ZNF423: variants seen among roughly 807,000 people sequenced by gnomAD.
The protein encoded by ZNF423 is Ebf-associated zinc finger protein.
Under a neutral mutation model 95.8 loss-of-function variants are expected in ZNF423, and 12 were observed. That is an observed-to-expected ratio of 0.13 (90% CI 0.08 to 0.20). The LOEUF is 0.20. Ranked by LOEUF, ZNF423 falls within the 10% of genes least tolerant of loss-of-function variation. The pLI, the probability that ZNF423 is intolerant of heterozygous loss-of-function variation, is 1.00. For missense variants in ZNF423, 1,316 were observed against 1,737.1 expected, an observed-to-expected ratio of 0.76 and a Z score of 4.31; for synonymous variants, 749 against 711.9, an observed-to-expected ratio of 1.05 and a Z score of -0.83.
At chr16:49,620,676 G>A (rs898241828) in intron 5 of ZNF423, among the ~76,000 whole-genome samples, 4 of 152,210 alleles carry the variant, frequency 2.6e-5, no homozygotes, top group Admixed American at 2.0e-4. Context: ...GGGCCCGTGA[G>A]GCCCTGCGTG....
chr16:49,606,602 G>C (rs999405973), intron 5 of ZNF423, among the ~76,000 whole-genome samples: 2 of 152,120 alleles, frequency 1.3e-5, no homozygotes, highest in Admixed American at 6.5e-5. Context: ...GTGGATAGGG[G>C]TCTCAGGGCA....
At chr16:49,644,658 CAAAAAAAAAAAAAAAAAAAAAA>C (rs56066766) in intron 3 of ZNF423, among the ~76,000 whole-genome samples, 43 of 39,580 alleles carry the variant, frequency 1.1e-3, no homozygotes, top group South Asian at 7.2e-3. Context: ...AACTCTGACT[CAAAAAAAAAAAAAAAAAAAAAA>C]AAAAAAAAAA....
At chr16:49,853,907 C>T in intron 1 of ZNF423, 1 of 985,406 alleles carries the variant, frequency 1.0e-6, no homozygotes, top group Non-Finnish European at 1.2e-6. Flanking sequence ...AACTCAAAAT[C>T]AACTGCCTGA....
intron 4 of ZNF423, among the ~76,000 whole-genome samples, chr16:49,631,369 G>A (rs1194192297): frequency 6.6e-6 from 1 of 151,786 alleles, no homozygotes; most frequent in East Asian, 1.9e-4. Flanking sequence ...AGCATGGCTG[G>A]ACTCCAGTCC....
upstream of ZNF423, among the ~76,000 whole-genome samples, chr16:49,858,165 G>T (rs1232980600): frequency 1.3e-5 from 2 of 151,922 alleles, no homozygotes; most frequent in Non-Finnish European, 2.9e-5. This position sits in a 1 kb window ranked among gnomAD's most constrained non-coding sequence, Gnocchi z 4.3. Flanking sequence ...ACGTCCCCTC[G>T]GAGACGAGTT....
In ZNF423 at chr16:49,636,509, C is replaced by T. The variant is rs756580782; in HGVS notation, c.2667G>A (p.Ala889=). ...TGTCACAGCCGTACATGGGCTCCGA[C>T]GCGTCCACGTCATCCTCGCTGGCCT... The part of the protein sequence containing the change: ...SHEASEDDVD[A]SEPMYGCDIC... Residue 889 remains alanine (A), a synonymous_variant, in exon 4 of 8, where the codon GCG becomes GCA. Coordinates refer to ENST00000563137, the MANE Select transcript of ZNF423 (RefSeq NM_001379286.1). This position sits in a 1 kb window ranked among gnomAD's most constrained non-coding sequence, Gnocchi z 8.6. The T allele has an allele frequency of 1.7e-5, 28 of 1,613,674 alleles. No homozygotes were observed. The highest frequency in any genetic ancestry group is 4.4e-5 in the South Asian group (4 of 91,080).
At chr16:49,708,668 G>A (rs1596894355) in intron 3 of ZNF423, among the ~76,000 whole-genome samples, 1 of 152,130 alleles carries the variant, frequency 6.6e-6, no homozygotes, top group South Asian at 2.1e-4. Context: ...CATGCCACAG[G>A]GACCCAACAC....
chr16:49,665,678 C>A (rs2030505004), intron 3 of ZNF423, among the ~76,000 whole-genome samples: 1 of 152,260 alleles, frequency 6.6e-6, no homozygotes, highest in East Asian at 1.9e-4. Flanking sequence ...CACCGCCCCC[C>A]ACCCCAGCTC....
At chr16:49,700,961 G>A (rs2032161135) in intron 3 of ZNF423, among the ~76,000 whole-genome samples, 1 of 152,152 alleles carries the variant, frequency 6.6e-6, no homozygotes, top group South Asian at 2.1e-4. Context: ...GAAGGGAGGA[G>A]GGTCTTATCA....
At chr16:49,734,715 C>T (rs930847479) in intron 2 of ZNF423, among the ~76,000 whole-genome samples, 2 of 152,184 alleles carry the variant, frequency 1.3e-5, no homozygotes, top group African/African-American at 2.4e-5. Flanking sequence ...CTGTGAACGC[C>T]GACCTGTCCG....
At chr16:49,625,770 G>A (rs11866964) in intron 5 of ZNF423, among the ~76,000 whole-genome samples, 29,673 of 152,194 alleles carry the variant, frequency 0.19, 3,365 homozygotes, top group African/African-American at 0.31. Flanking sequence ...CTTTGTAAGC[G>A]TTCTGTTTTG....
intron 5 of ZNF423, among the ~76,000 whole-genome samples, chr16:49,588,789 A>C (rs1394456532): frequency 6.6e-6 from 1 of 152,250 alleles, no homozygotes; most frequent in Admixed American, 6.5e-5. Flanking sequence ...TTGATAGGAA[A>C]ATAGTGGGAA....
intron 3 of ZNF423, among the ~76,000 whole-genome samples, chr16:49,709,790 C>CATCTATGAGG (rs1359230682): frequency 6.6e-6 from 1 of 152,156 alleles, no homozygotes; most frequent in Admixed American, 6.5e-5. Context: ...TAGAAGTCTC[C>CATCTATGAGG]ATCTATGAGG....
intron 2 of ZNF423, among the ~76,000 whole-genome samples, chr16:49,754,839 G>A (rs2033696289): frequency 6.6e-6 from 1 of 152,224 alleles, no homozygotes; most frequent in Admixed American, 6.5e-5. Flanking sequence ...CAGAGTGCCA[G>A]GCAGAATGGA....
upstream of ZNF423, among the ~76,000 whole-genome samples, chr16:49,858,321 T>A (rs2035393872): frequency 6.7e-6 from 1 of 150,256 alleles, no homozygotes; most frequent in Admixed American, 6.6e-5. The surrounding 1 kb of genome is among the most constrained non-coding windows in gnomAD (Gnocchi z 4.3). Context: ...CCCGCTCAGC[T>A]CTCTCCGCGG....
chr16:49,738,411 G>T (rs1028253211), intron 2 of ZNF423, among the ~76,000 whole-genome samples: 4 of 152,080 alleles, frequency 2.6e-5, no homozygotes, highest in African/African-American at 9.7e-5. Flanking sequence ...AACCATGAGT[G>T]ACCTTGACCA....
At chr16:49,817,950 C>T (rs989775092) in intron 1 of ZNF423, among the ~76,000 whole-genome samples, 3 of 152,114 alleles carry the variant, frequency 2.0e-5, no homozygotes, top group African/African-American at 4.8e-5. Context: ...TCCATCTCTT[C>T]GCTCCAACAT....
chr16:49,655,456 G>A (rs1358418216), intron 3 of ZNF423, among the ~76,000 whole-genome samples: 1 of 152,168 alleles, frequency 6.6e-6, no homozygotes, highest in Non-Finnish European at 1.5e-5. Flanking sequence ...TGACCCCAAC[G>A]ACCCAGGGCT....
rs2144143197 is a variant in ZNF423 at position 49,855,786 on chromosome 16, C to G, written c.-12G>C. ...TTCCGCCTGGACATGTCCGGGGCTC[C>G]GGGCGCTCCGTCGCCCTCCGCAGCC... On this transcript the variant is annotated 5_prime_UTR_variant, in exon 1 of 8. Coordinates refer to ENST00000563137, the MANE Select transcript of ZNF423 (RefSeq NM_001379286.1). The surrounding 1 kb of genome is among the most constrained non-coding windows in gnomAD (Gnocchi z 4.7). The G allele has an allele frequency of 6.6e-6, 1 of 151,506 alleles. No individual in the cohort carries two copies. The highest frequency in any genetic ancestry group is 2.0e-4 in the South Asian group (1 of 4,946). 9.4% of individuals were successfully genotyped at this position (151,506 alleles called of 1,614,324 possible). A position where few individuals can be genotyped will look rare whatever the true frequency, so the allele number is the denominator to read the frequency against.
Sources: gnomAD v4.1 joint callset for allele counts (sites outside exome capture counted in the v4.1 genomes callset) on GRCh38, gnomAD v4.1.1 for gene constraint, Gnocchi (gnomAD v3.1) non-coding constraint, MANE v1.5 for transcripts, NCBI Gene and HGNC (gene_info 2026-07-23, HGNC 2026-07-21) for gene names.